Variants in NFIA observed in about 807,000 individuals in gnomAD.
NFIA encodes nuclear factor 1 A-type.
Under a neutral mutation model 62.8 loss-of-function variants are expected in NFIA, and 8 were observed. That is an observed-to-expected ratio of 0.13 (90% CI 0.07 to 0.23). The LOEUF (loss-of-function observed/expected upper bound fraction) is 0.23. Among genes scored for constraint, NFIA ranks in the 10% least tolerant of loss-of-function variants. NFIA has a pLI of 1.00. For missense variants in NFIA, 410 were observed against 642.1 expected, an observed-to-expected ratio of 0.64 and a Z score of 3.91; for synonymous variants, 235 against 238.1, an observed-to-expected ratio of 0.99 and a Z score of 0.12.
rs66989543 is a variant in NFIA at position 61,175,128 on chromosome 1, G to GATTATTATTATTATT, written c.559+86461_559+86475dup. Among the ~76,000 whole-genome samples, 16 of 150,152 alleles carry GATTATTATTATTATT rather than the reference G, an allele frequency of 1.1e-4. No homozygotes were observed. In the East Asian group the frequency reaches 3.1e-3, roughly 30 times the overall value. The stretch of plus-strand genomic sequence containing the variant: ...ATTGACACTTAAACTTTTCTGTATT[G>GATTATTATTATTATT]ATTATTATTATTATTATTATTATTA... On this transcript the variant is annotated intron_variant, in intron 2 of 10. Transcript: ENST00000403491.
At chr1:61,297,072 A>G (rs1171751503) in intron 3 of NFIA, among the ~76,000 whole-genome samples, 1 of 152,258 alleles carries the variant, frequency 6.6e-6, no homozygotes, top group Non-Finnish European at 1.5e-5. Context: ...AATGAAAGTT[A>G]TATGAACCAC....
intron 6 of NFIA, among the ~76,000 whole-genome samples, chr1:61,379,402 CTTTTT>C (rs60735193): frequency 1.2e-3 from 121 of 98,248 alleles, no homozygotes; most frequent in African/African-American, 4.3e-3. Flanking sequence ...TTTTCTTTTT[CTTTTT>C]TTTTTTTTTT....
chr1:61,324,287 G>C (rs531985408), intron 3 of NFIA, among the ~76,000 whole-genome samples: 1 of 152,292 alleles, frequency 6.6e-6, no homozygotes, highest in South Asian at 2.1e-4. Context: ...TGAGAAGGAG[G>C]GAGCTTTTCC....
At chr1:61,449,685 G>C (rs1347883559) in intron 10 of NFIA, among the ~76,000 whole-genome samples, 1 of 152,192 alleles carries the variant, frequency 6.6e-6, no homozygotes, top group Non-Finnish European at 1.5e-5. Flanking sequence ...AAAGGTGCCG[G>C]GGCCAATCCC....
At chr1:61,257,066 T>C (rs745935058) in intron 2 of NFIA, among the ~76,000 whole-genome samples, 5 of 152,168 alleles carry the variant, frequency 3.3e-5, no homozygotes, top group Non-Finnish European at 5.9e-5. Context: ...TTTAGCAAAT[T>C]CGCAAATAAT....
intron 2 of NFIA, among the ~76,000 whole-genome samples, chr1:61,224,917 T>A (rs537175935): frequency 6.6e-6 from 1 of 152,298 alleles, no homozygotes; most frequent in South Asian, 2.1e-4. Context: ...CATGAGGCAC[T>A]AAAGTCCATT....
intron 2 of NFIA, among the ~76,000 whole-genome samples, chr1:61,201,443 A>G (rs1436535887): frequency 6.6e-6 from 1 of 152,076 alleles, no homozygotes; most frequent in Non-Finnish European, 1.5e-5. Context: ...AGAAAATTAT[A>G]AAGAACTTAA....
intron 2 of NFIA, among the ~76,000 whole-genome samples, chr1:61,167,935 T>C (rs1649694152): frequency 6.6e-6 from 1 of 152,142 alleles, no homozygotes; most frequent in Admixed American, 6.5e-5. Flanking sequence ...TCTCCACATA[T>C]ATAGATTTTG....
At chr1:61,274,336 A>T (rs1321614860) in intron 2 of NFIA, among the ~76,000 whole-genome samples, 1 of 152,248 alleles carries the variant, frequency 6.6e-6, no homozygotes, top group Non-Finnish European at 1.5e-5. Flanking sequence ...GTTGAAGTCT[A>T]AGTTTCCTTA....
At chr1:61,082,884 T>G (rs1300674015) in intron 1 of NFIA, 66 bp downstream of exon 1, 211 of 547,440 alleles carry the variant, frequency 3.9e-4, no homozygotes, top group Middle Eastern at 6.2e-4. Flanking sequence ...TGGGGCTGGG[T>G]GGGGGGCACC....
chr1:61,177,653 TTGTGTGTGTGTGTGTGTG>T (rs56299869), intron 2 of NFIA, among the ~76,000 whole-genome samples: 1 of 146,054 alleles, frequency 6.8e-6, no homozygotes, highest in East Asian at 2.0e-4. Context: ...GTTTTCTCTA[TTGTGTGTGTGTGTGTGTG>T]TGTGTGTGTG....
At chr1:61,213,417 C>G (rs1653391275) in intron 2 of NFIA, among the ~76,000 whole-genome samples, 1 of 152,168 alleles carries the variant, frequency 6.6e-6, no homozygotes, top group African/African-American at 2.4e-5. Context: ...GTCTAAGTCT[C>G]CAAGGATGAG....
At chr1:61,215,966 T>C (rs1653595998) in intron 2 of NFIA, among the ~76,000 whole-genome samples, 4 of 152,234 alleles carry the variant, frequency 2.6e-5, no homozygotes, top group African/African-American at 9.6e-5. Flanking sequence ...GCTTGATGGC[T>C]TATTTGCCAT....
At chr1:61,287,177 A>G (rs1421544390) in intron 3 of NFIA, among the ~76,000 whole-genome samples, 3 of 152,188 alleles carry the variant, frequency 2.0e-5, no homozygotes, top group African/African-American at 4.8e-5. Flanking sequence ...GTTCTAGATA[A>G]TGAGTGTTCA....
rs201745569 is a variant in NFIA, at chr1:61,291,586, G to A, written c.625+14001G>A. 7.2e-5 allele frequency among the ~76,000 whole-genome samples: 11 copies of A among 152,262 alleles called. No individual in the cohort carries two copies. The South Asian group carries it at 2.3e-3, about 32-fold the overall frequency. ...ATAGAGGACAAGGAAACTGAGGCTT[G>A]GAAGTTGAGGCACATGTTCATGATC... On this transcript the variant is annotated intron_variant, in intron 3 of 10. Coordinates refer to ENST00000403491, the MANE Select transcript of NFIA (RefSeq NM_001134673.4).
At chr1:61,332,456 T>C (rs1486865316) in intron 3 of NFIA, 56 bp from the exon 4 acceptor site, 17 of 1,485,442 alleles carry the variant, frequency 1.1e-5, no homozygotes, top group Non-Finnish European at 1.5e-5. Context: ...TAAAGCTCTG[T>C]TGTCAAATGT....
At chr1:61,439,153 T>A (rs919445067) in intron 10 of NFIA, among the ~76,000 whole-genome samples, 1 of 151,990 alleles carries the variant, frequency 6.6e-6, no homozygotes, top group Non-Finnish European at 1.5e-5. Flanking sequence ...GTTACCTGAG[T>A]GCACCCCCAA....
At chr1:61,129,520 G>A (rs1647037324) in intron 2 of NFIA, among the ~76,000 whole-genome samples, 1 of 149,210 alleles carries the variant, frequency 6.7e-6, no homozygotes, top group African/African-American at 2.5e-5. Flanking sequence ...TGTGATCTCG[G>A]CTCACTGCAG....
intron 10 of NFIA, among the ~76,000 whole-genome samples, chr1:61,435,777 A>C (rs987985977): frequency 1.3e-4 from 20 of 152,164 alleles, no homozygotes; most frequent in African/African-American, 4.8e-4. Flanking sequence ...AAATTGTCCC[A>C]AGGAAGAAGG....
Sources: gnomAD v4.1 joint callset for allele counts (sites outside exome capture counted in the v4.1 genomes callset) on GRCh38, gnomAD v4.1.1 for gene constraint, MANE v1.5 for transcripts, NCBI Gene and HGNC (gene_info 2026-07-23, HGNC 2026-07-21) for gene names.